Variants in PPP3CB observed in about 807,000 individuals in gnomAD.
PPP3CB encodes the protein serine/threonine-protein phosphatase 2B catalytic subunit beta isoform.
A neutral mutation model predicts 66.4 loss-of-function variants in PPP3CB; 8 were observed. The ratio of observed to expected loss-of-function variants is 0.12; its 90% confidence interval spans 0.07 to 0.22. The LOEUF is 0.22. Ranked by LOEUF, PPP3CB falls within the 10% of genes least tolerant of loss-of-function variation. The pLI, the probability that PPP3CB is intolerant of heterozygous loss-of-function variation, is 1.00. For synonymous variants in PPP3CB, 208 were observed against 221.2 expected, an observed-to-expected ratio of 0.94 and a Z score of 0.53; for missense variants, 319 against 642.5, an observed-to-expected ratio of 0.50 and a Z score of 5.44.
chr10:73,448,531 C>T (rs1482530922), intron 10 of PPP3CB: 1 of 420,534 alleles, frequency 2.4e-6, no homozygotes, highest in African/African-American at 2.0e-5. Flanking sequence ...ACAGATAAAA[C>T]TTAAGCTAAA....
intron 12 of PPP3CB, chr10:73,444,015 T>G (rs995463104): frequency 1.3e-5 from 2 of 152,330 alleles, no homozygotes; most frequent in African/African-American, 4.8e-5. Context: ...AAGTGTCTGA[T>G]GGAGTAATTT....
intron 1 of PPP3CB, among the ~76,000 whole-genome samples, chr10:73,482,324 C>T (rs1220479070): frequency 6.6e-6 from 1 of 151,682 alleles, no homozygotes; most frequent in Admixed American, 6.6e-5. Flanking sequence ...ACGGGCAGAT[C>T]ATGAGGTCAA....
intron 9 of PPP3CB, among the ~76,000 whole-genome samples, chr10:73,461,350 G>A (rs2056518086): frequency 6.6e-6 from 1 of 152,120 alleles, no homozygotes; most frequent in South Asian, 2.1e-4. Flanking sequence ...GGGGGTCTGA[G>A]GCAGGGTAAT....
chr10:73,488,841 A>G (rs940358679), intron 1 of PPP3CB, among the ~76,000 whole-genome samples: 20 of 152,132 alleles, frequency 1.3e-4, no homozygotes, highest in Admixed American at 4.6e-4. Context: ...TCTAAGTCCT[A>G]TTGATTCTTC....
At chr10:73,487,581 AAAAC>A (rs1564570342) in intron 1 of PPP3CB, among the ~76,000 whole-genome samples, 1 of 151,032 alleles carries the variant, frequency 6.6e-6, no homozygotes, top group South Asian at 2.1e-4. Flanking sequence ...AAAAAAAAAA[AAAAC>A]AAACAGGAAA....
At position 73,470,760 on chromosome 10, in the gene PPP3CB, A is replaced by G. The variant is rs781434039; in HGVS notation, c.909T>C (p.Ser303=). ...QDAGYRMYRK[S]QTTGFPSLIT... is the part of the protein sequence containing the mutation. ...TTAATGAAGGGAACCCTGTAGTTTG[A>G]CTTTTTCTGTACATTCTATAGCTGC... Residue 303 remains serine (S), a synonymous_variant, in exon 8 of 14, where the codon AGT becomes AGC. Coordinates refer to ENST00000360663, the MANE Select transcript of PPP3CB (RefSeq NM_021132.4). 1.2e-6 allele frequency: 2 copies of G among 1,605,914 alleles called. No homozygotes were observed. Among genetic ancestry groups the G allele is most frequent in the Non-Finnish European group, 1.7e-6 (2 of 1,175,022 alleles).
chr10:73,453,236 T>A (rs532764810), intron 10 of PPP3CB, among the ~76,000 whole-genome samples: 1 of 152,326 alleles, frequency 6.6e-6, no homozygotes, highest in East Asian at 1.9e-4. Flanking sequence ...GCTAAAACGA[T>A]GAAGCTAAAA....
At chr10:73,479,642 G>C in intron 1 of PPP3CB, 125 bp from the exon 2 acceptor site, 1 of 876,964 alleles carries the variant, frequency 1.1e-6, no homozygotes, top group Non-Finnish European at 1.7e-6. Context: ...TTCATTTATT[G>C]GGTAGAAGTG....
intron 4 of PPP3CB, 27 bp downstream of exon 4, chr10:73,474,892 G>A (rs1175710800): frequency 3.7e-6 from 6 of 1,610,772 alleles, no homozygotes; most frequent in East Asian, 2.2e-5. Context: ...CTGAGGAAGT[G>A]AAAACATTTC....
At chr10:73,481,636 A>C (rs796889220) in intron 1 of PPP3CB, among the ~76,000 whole-genome samples, 62 of 142,630 alleles carry the variant, frequency 4.3e-4, no homozygotes, top group African/African-American at 1.6e-3. Flanking sequence ...AAAAAAAAAC[A>C]AAAAAAAAAA....
At chr10:73,493,980 A>T (rs2057122092) in intron 1 of PPP3CB, among the ~76,000 whole-genome samples, 1 of 152,222 alleles carries the variant, frequency 6.6e-6, no homozygotes, top group African/African-American at 2.4e-5. Context: ...ACGTAAGGAT[A>T]GCATAAACTC....
At chr10:73,439,284 T>A (rs75396753) in intron 13 of PPP3CB, among the ~76,000 whole-genome samples, 1 of 152,118 alleles carries the variant, frequency 6.6e-6, no homozygotes, top group African/African-American at 2.4e-5. Flanking sequence ...TGGCTGGGGC[T>A]ACAAACACTG....
chr10:73,446,678 C>A, intron 10 of PPP3CB, 105 bp from the exon 11 acceptor site: 1 of 1,030,298 alleles, frequency 9.7e-7, no homozygotes, highest in South Asian at 1.3e-5. Context: ...GTACCAAGAC[C>A]CCTGCCACCA....
At chr10:73,488,727 A>T (rs577465845) in intron 1 of PPP3CB, among the ~76,000 whole-genome samples, 2 of 152,202 alleles carry the variant, frequency 1.3e-5, no homozygotes, top group South Asian at 4.2e-4. Flanking sequence ...GTGGTTTTTA[A>T]ATATACCTTT....
At chr10:73,470,643 A>C (rs889658720) in intron 8 of PPP3CB, 44 bp downstream of exon 8, 9 of 1,249,116 alleles carry the variant, frequency 7.2e-6, no homozygotes, top group Non-Finnish European at 1.0e-5. Context: ...AGTCAATTAA[A>C]ATACTAAGTT....
chr10:73,438,179 C>T lies in PPP3CB; in HGVS notation c.*63G>A. The T allele has an allele frequency of 2.0e-6, 3 of 1,514,358 alleles. No individual in the cohort carries two copies. Among genetic ancestry groups the T allele is most frequent in the Non-Finnish European group, 1.8e-6 (2 of 1,108,482 alleles). The allele number at this position is 1,514,358 out of a possible 1,614,324, so 93.8% of individuals were successfully genotyped here. A position where few individuals can be genotyped will look rare whatever the true frequency, so the allele number is the denominator to read the frequency against. ...TTACAGTCAGCTTGGCCGACCCCTCCAGCTCCTCGGGTGATCTGTCCATTT... is the reference window on the plus strand; with the variant it reads ...TTACAGTCAGCTTGGCCGACCCCTCTAGCTCCTCGGGTGATCTGTCCATTT... On this transcript the variant is annotated 3_prime_UTR_variant, in exon 14 of 14. Transcript: ENST00000360663.
chr10:73,448,523 A>T, intron 10 of PPP3CB: 1 of 405,464 alleles, frequency 2.5e-6, no homozygotes. Flanking sequence ...ACACTAACAC[A>T]GATAAAACTT....
intron 9 of PPP3CB, among the ~76,000 whole-genome samples, chr10:73,455,372 T>C (rs2056409552): frequency 6.6e-6 from 1 of 152,232 alleles, no homozygotes; most frequent in African/African-American, 2.4e-5. Context: ...CACATTTGGA[T>C]CATTTTTCCC....
chr10:73,469,401 C>T (rs575899650), intron 8 of PPP3CB, among the ~76,000 whole-genome samples: 240 of 152,092 alleles, frequency 1.6e-3, no homozygotes, highest in Admixed American at 2.0e-3. Context: ...ATTAGCTGGG[C>T]GAGGTGGCGG....
Sources: allele counts gnomAD v4.1 joint callset (sites outside exome capture counted in the v4.1 genomes callset), GRCh38; gene constraint gnomAD v4.1.1; transcripts MANE v1.5; gene names NCBI Gene and HGNC (gene_info 2026-07-23, HGNC 2026-07-21).